KAZN: variants seen among roughly 807,000 people sequenced by gnomAD.
The protein encoded by KAZN is kazrin.
KAZN carries 40 observed loss-of-function variants against 87.4 expected under a neutral mutation model. That is an observed-to-expected ratio of 0.46 (90% CI 0.36 to 0.60). The LOEUF (loss-of-function observed/expected upper bound fraction) is 0.60. KAZN is among the 20% of genes least tolerant of loss of function. The pLI is 0.00. For missense variants in KAZN, 898 were observed against 1,073.9 expected (o/e 0.84, Z 2.29); for synonymous variants, 466 against 458.3 (o/e 1.02, Z -0.22).
chr1:14,258,862 C>T (rs1300358149), intron 2 of KAZN, among the ~76,000 whole-genome samples: 2 of 152,188 alleles, frequency 1.3e-5, no homozygotes, highest in East Asian at 1.9e-4. Context: ...GTAAGAGAAG[C>T]TCACCTTGCT....
At position 14,016,552 on chromosome 1, in the gene KAZN, G is replaced by A. The variant is rs556521310; in HGVS notation, c.91+122796G>A. Among the ~76,000 whole-genome samples, 19 of 152,182 alleles carry A rather than the reference G, an allele frequency of 1.2e-4. No individual in the cohort carries two copies. The South Asian group carries it at 4.0e-3, about 32-fold the overall frequency. On this transcript the variant is annotated intron_variant, in intron 1 of 16. Transcript: ENST00000636203. The stretch of plus-strand genomic sequence containing the variant: ...GTGTTGGGGGCATGTTTATGAGATT[G>A]TACACAATCCACTGTGGGCTCCCAG...
intron 2 of KAZN, among the ~76,000 whole-genome samples, chr1:14,461,584 C>T (rs1667854131): frequency 1.3e-5 from 2 of 152,132 alleles, no homozygotes; most frequent in African/African-American, 4.8e-5. Flanking sequence ...CGGACTAATA[C>T]AGAGGGATAA....
intron 1 of KAZN, among the ~76,000 whole-genome samples, chr1:14,080,680 G>A (rs1009460446): frequency 1.7e-4 from 26 of 152,184 alleles, no homozygotes; most frequent in Non-Finnish European, 8.8e-5. Flanking sequence ...TGGCGTGAGC[G>A]TTTTCTGCAT....
At chr1:14,200,134 A>G (rs1385184959) in intron 2 of KAZN, among the ~76,000 whole-genome samples, 1 of 152,062 alleles carries the variant, frequency 6.6e-6, no homozygotes, top group African/African-American at 2.4e-5. Flanking sequence ...AACAGTGAAA[A>G]ATTGGAAACC....
At chr1:14,935,284 A>G (rs1660319104) in intron 1 of KAZN, among the ~76,000 whole-genome samples, 1 of 152,044 alleles carries the variant, frequency 6.6e-6, no homozygotes, top group Admixed American at 6.5e-5. Flanking sequence ...CTTGTTGACA[A>G]GGCTGGAGTG....
intron 1 of KAZN, among the ~76,000 whole-genome samples, chr1:14,935,461 C>T (rs1296711830): frequency 3.3e-5 from 5 of 152,150 alleles, no homozygotes; most frequent in Admixed American, 6.5e-5. Context: ...CAAGGTGTGC[C>T]GCCAGGACCA....
chr1:14,121,370 A>G (rs1184139396), intron 1 of KAZN, among the ~76,000 whole-genome samples: 1 of 152,204 alleles, frequency 6.6e-6, no homozygotes, highest in Admixed American at 6.5e-5. Context: ...CAATAATTCC[A>G]CAAGAATTAC....
chr1:14,167,950 T>C, intron 1 of KAZN, among the ~76,000 whole-genome samples: 1 of 152,176 alleles, frequency 6.6e-6, no homozygotes, highest in East Asian at 1.9e-4. Context: ...TCTCAGCTTT[T>C]CTGGAAATTA....
intron 1 of KAZN, among the ~76,000 whole-genome samples, chr1:14,800,436 C>G (rs181044966): frequency 6.6e-6 from 1 of 152,144 alleles, no homozygotes; most frequent in Non-Finnish European, 1.5e-5. Flanking sequence ...CACGGTGGCT[C>G]GTGCCTGTAA....
intron 1 of KAZN, among the ~76,000 whole-genome samples, chr1:14,955,280 T>G (rs183778377): frequency 1.3e-5 from 2 of 152,246 alleles, no homozygotes; most frequent in African/African-American, 4.8e-5. Flanking sequence ...GCCAGGCACA[T>G]GTAAGCGCTT....
At chr1:13,980,065 A>G (rs1182027179) in intron 1 of KAZN, among the ~76,000 whole-genome samples, 1 of 152,236 alleles carries the variant, frequency 6.6e-6, no homozygotes, top group East Asian at 1.9e-4. Context: ...AGAAGTGTCA[A>G]TGTCCTAATT....
intron 2 of KAZN, among the ~76,000 whole-genome samples, chr1:14,390,994 A>C (rs1662368872): frequency 6.6e-6 from 1 of 152,220 alleles, no homozygotes; most frequent in Non-Finnish European, 1.5e-5. Flanking sequence ...TTCGACTCAG[A>C]GTGAGGTGAA....
At chr1:14,339,999 T>A (rs1657569559) in intron 2 of KAZN, among the ~76,000 whole-genome samples, 1 of 152,198 alleles carries the variant, frequency 6.6e-6, no homozygotes, top group African/African-American at 2.4e-5. Context: ...ACCTTGAAGT[T>A]CCCCAGCTGT....
exon 1 of KAZN, chr1:13,893,727 T>G: frequency 1.3e-6 from 2 of 1,550,522 alleles, no homozygotes; most frequent in African/African-American, 1.4e-5. Context: ...TCCCACGTCT[T>G]TGGTCAGCAG....
chr1:14,543,987 T>C (rs567191030), intron 2 of KAZN, among the ~76,000 whole-genome samples: 1 of 152,204 alleles, frequency 6.6e-6, no homozygotes, highest in Non-Finnish European at 1.5e-5. Context: ...TCTAAACACA[T>C]GTTTAATAAG....
chr1:15,074,022 G>T (rs1269439322), intron 8 of KAZN, among the ~76,000 whole-genome samples: 1 of 152,220 alleles, frequency 6.6e-6, no homozygotes, highest in East Asian at 1.9e-4. Context: ...CGCCTTCAGG[G>T]CCCCTGAGCC....
intron 1 of KAZN, among the ~76,000 whole-genome samples, chr1:14,959,386 G>A (rs1039961000): frequency 6.6e-6 from 1 of 151,900 alleles, no homozygotes; most frequent in Non-Finnish European, 1.5e-5. Context: ...AAAGAGTGTG[G>A]CATATTGTAG....
At chr1:14,121,754 C>T (rs571341028) in intron 1 of KAZN, among the ~76,000 whole-genome samples, 30 of 152,280 alleles carry the variant, frequency 2.0e-4, no homozygotes, top group Non-Finnish European at 2.9e-4. Flanking sequence ...AAAGAACTAA[C>T]ACACAAGCTA....
At chr1:14,648,820 G>A (rs2148690030) in intron 1 of KAZN, among the ~76,000 whole-genome samples, 1 of 152,308 alleles carries the variant, frequency 6.6e-6, no homozygotes, top group Non-Finnish European at 1.5e-5. Context: ...TTGGGAACCA[G>A]CCCCTCCCCT....
Sources: allele counts gnomAD v4.1 joint callset (sites outside exome capture counted in the v4.1 genomes callset), GRCh38; gene constraint gnomAD v4.1.1; transcripts MANE v1.5; gene names NCBI Gene and HGNC (gene_info 2026-07-23, HGNC 2026-07-21).